RNF150: variants seen among roughly 807,000 people sequenced by gnomAD.
RNF150 encodes ring finger protein 150.
In RNF150, 24 loss-of-function variants were observed where a neutral mutation model predicts 39.3. The ratio of observed to expected loss-of-function variants is 0.61; its 90% CI spans 0.44 to 0.86. The LOEUF (loss-of-function observed/expected upper bound fraction) is 0.86. RNF150 is among the 40% of genes least tolerant of loss of function. RNF150 has a pLI of 0.00. For missense variants in RNF150, 502 were observed against 587.8 expected, an observed-to-expected ratio of 0.85 and a Z score of 1.51; for synonymous variants, 255 against 227.3, an observed-to-expected ratio of 1.12 and a Z score of -1.10.
chr4:140,875,163 G>GTTTTTTTT (rs58742685), intron 6 of RNF150, among the ~76,000 whole-genome samples: 1 of 122,606 alleles, frequency 8.2e-6, no homozygotes, highest in African/African-American at 3.0e-5. Flanking sequence ...CAATCATTAC[G>GTTTTTTTT]TTTTTTTTTT....
intron 1 of RNF150, among the ~76,000 whole-genome samples, chr4:140,982,801 G>A (rs886605662): frequency 6.6e-6 from 1 of 152,156 alleles, no homozygotes; most frequent in African/African-American, 2.4e-5. Flanking sequence ...ATGCATGCCT[G>A]CTGCATTAGC....
intron 1 of RNF150, among the ~76,000 whole-genome samples, chr4:141,139,104 G>T (rs912426833): frequency 1.3e-5 from 2 of 152,116 alleles, no homozygotes; most frequent in Non-Finnish European, 2.9e-5. Flanking sequence ...AGTCCCAACT[G>T]CTTGGGAGGC....
chr4:141,074,269 G>A lies in RNF150; in HGVS notation c.484+58056C>T, dbSNP rs563646183. Among the ~76,000 whole-genome samples the A allele has an allele frequency of 5.9e-5, 9 of 151,626 alleles. No individual in the cohort carries two copies. The South Asian group carries it at 1.9e-3, about 32-fold the overall frequency. On this transcript the variant is annotated intron_variant, in intron 1 of 6. Coordinates refer to ENST00000515673, the MANE Select transcript of RNF150 (RefSeq NM_020724.2). ...ATGGACACACAAGTCTGGCCCTGTTGGTTGTGTAGCATTACCACGGAGTGT... is the reference window on the plus strand; with the variant it reads ...ATGGACACACAAGTCTGGCCCTGTTAGTTGTGTAGCATTACCACGGAGTGT...
chr4:140,977,707 C>T (rs531706108), intron 1 of RNF150, among the ~76,000 whole-genome samples: 120 of 152,260 alleles, frequency 7.9e-4, no homozygotes, highest in African/African-American at 2.9e-3. Flanking sequence ...CTTAGGTGGT[C>T]TATAATTTAA....
At chr4:141,143,923 T>C (rs1386803383) in intron 1 of RNF150, among the ~76,000 whole-genome samples, 2 of 152,178 alleles carry the variant, frequency 1.3e-5, no homozygotes, top group African/African-American at 4.8e-5. Flanking sequence ...TTTCAACTAT[T>C]ATATTTCACT....
chr4:141,179,166 C>T (rs1727863738), intron 1 of RNF150, among the ~76,000 whole-genome samples: 1 of 152,134 alleles, frequency 6.6e-6, no homozygotes, highest in Non-Finnish European at 1.5e-5. Flanking sequence ...GGGCAAGCAC[C>T]ATATCTCAAG....
intron 1 of RNF150, among the ~76,000 whole-genome samples, chr4:141,131,104 T>C (rs911884979): frequency 7.9e-5 from 12 of 152,340 alleles, no homozygotes; most frequent in African/African-American, 2.2e-4. Flanking sequence ...GGCAAACCAA[T>C]TGAATATTTC....
rs141257130 is a variant in RNF150, at chr4:140,869,629, T to A, written c.1199-1250A>T. On this transcript the variant is annotated intron_variant, in intron 6 of 6. Transcript: ENST00000515673. ...GAGATAAGCACCAGGATGGAAGATG[T>A]ACCAGGTATTACAGGAGCAGGTAAG... 4.2e-3 allele frequency among the ~76,000 whole-genome samples: 633 copies of A among 152,302 alleles called. 4 individuals are homozygous for A. Among genetic ancestry groups the A allele is most frequent in the African/African-American group, 0.014 (588 of 41,558 alleles).
At chr4:141,101,554 C>T (rs1481596582) in intron 1 of RNF150, among the ~76,000 whole-genome samples, 1 of 152,074 alleles carries the variant, frequency 6.6e-6, no homozygotes, top group African/African-American at 2.4e-5. Context: ...AAAGAGTATA[C>T]TTTAAAATAA....
chr4:141,042,849 C>T (rs1259164653), intron 1 of RNF150, among the ~76,000 whole-genome samples: 5 of 152,050 alleles, frequency 3.3e-5, no homozygotes, highest in Non-Finnish European at 7.4e-5. Context: ...AATGCACACA[C>T]ATAAAGACCT....
intron 1 of RNF150, among the ~76,000 whole-genome samples, chr4:141,185,593 TC>T (rs1203336017): frequency 6.6e-6 from 1 of 152,238 alleles, no homozygotes; most frequent in Non-Finnish European, 1.5e-5. Flanking sequence ...AGAGAGGGCA[TC>T]CTTGTCTTGT....
chr4:140,869,488 CACTA>C (rs1728845579), intron 6 of RNF150, among the ~76,000 whole-genome samples: 1 of 152,144 alleles, frequency 6.6e-6, no homozygotes, highest in Non-Finnish European at 1.5e-5. Context: ...CCCTACTGCA[CACTA>C]AGGATTATGC....
At chr4:141,072,176 T>C (rs188175926) in intron 1 of RNF150, among the ~76,000 whole-genome samples, 2 of 152,286 alleles carry the variant, frequency 1.3e-5, no homozygotes, top group African/African-American at 2.4e-5. Context: ...CCTACAACCA[T>C]GCAACAGCAT....
At chr4:140,902,787 A>G (rs1047268056) in intron 6 of RNF150, among the ~76,000 whole-genome samples, 2 of 152,236 alleles carry the variant, frequency 1.3e-5, no homozygotes, top group Admixed American at 6.5e-5. Flanking sequence ...GAAGGAGATC[A>G]GGCTACAGCT....
At chr4:140,934,742 G>C (rs1457047706) in intron 4 of RNF150, among the ~76,000 whole-genome samples, 4 of 151,744 alleles carry the variant, frequency 2.6e-5, no homozygotes, top group African/African-American at 7.3e-5. Flanking sequence ...CCCTGAGCAG[G>C]AATAAGTGTG....
At chr4:141,212,220 C>T (rs935108960) in intron 1 of RNF150, among the ~76,000 whole-genome samples, 3 of 152,082 alleles carry the variant, frequency 2.0e-5, no homozygotes, top group African/African-American at 4.8e-5. Flanking sequence ...CTCCAACAGC[C>T]GGGTAGCAAC....
chr4:140,924,643 A>G (rs1266089025), intron 5 of RNF150, among the ~76,000 whole-genome samples: 1 of 152,168 alleles, frequency 6.6e-6, no homozygotes, highest in Non-Finnish European at 1.5e-5. Context: ...GAACAGTACA[A>G]AAACTGAGCT....
intron 1 of RNF150, among the ~76,000 whole-genome samples, chr4:141,148,333 C>T (rs1190182416): frequency 2.6e-5 from 4 of 152,192 alleles, no homozygotes; most frequent in Non-Finnish European, 4.4e-5. Flanking sequence ...AAAGAAAACT[C>T]TCATGTAAGC....
At chr4:141,108,075 C>T (rs1027964606) in intron 1 of RNF150, among the ~76,000 whole-genome samples, 5 of 152,148 alleles carry the variant, frequency 3.3e-5, no homozygotes, top group East Asian at 1.9e-4. Context: ...GTGGAGATGT[C>T]GCAGTTCCCT....
Sources: allele counts gnomAD v4.1 joint callset (sites outside exome capture counted in the v4.1 genomes callset), GRCh38; gene constraint gnomAD v4.1.1; transcripts MANE v1.5; gene names NCBI Gene and HGNC (gene_info 2026-07-23, HGNC 2026-07-21).